Variants in REPIN1 observed in about 807,000 individuals in gnomAD.
The protein encoded by REPIN1 is replication initiator 1, also known as DNA-binding protein REPIN1.
REPIN1 carries 4 observed loss-of-function variants against 5.7 expected under a neutral mutation model. The ratio of observed to expected loss-of-function variants is 0.71; its 90% CI spans 0.35 to 1.62. The LOEUF (loss-of-function observed/expected upper bound fraction) is 1.62, where lower values mean the gene tolerates loss of function less well. REPIN1 is among the 40% of genes most tolerant of loss of function. REPIN1 has a pLI of 0.05. For synonymous variants in REPIN1, 410 were observed against 386.2 expected (o/e 1.06, Z -0.72); for missense variants, 854 against 901.0 (o/e 0.95, Z 0.67).
At chr7:150,370,256 T>C in intron 2 of REPIN1, 1 of 248,512 alleles carries the variant, frequency 4.0e-6, no homozygotes, top group Non-Finnish European at 7.9e-6. Context: ...TCCCTCCCCT[T>C]CTATTGCCCC....
Position 150,371,692 on chromosome 7 carries a change from G to C in REPIN1, c.622G>C (p.Glu208Gln), listed in dbSNP as rs551779231. Reference sequence around the variant, plus strand: ...GCGGCCCATCGCTTGTCCCAAATGCGAGAGACGCTTCTGGCGACGAAAGCA... The same window carrying C: ...GCGGCCCATCGCTTGTCCCAAATGCCAGAGACGCTTCTGGCGACGAAAGCA... ...AKRPIACPKCERRFWRRKQLR... is the reference protein window; with the variant it reads ...AKRPIACPKCQRRFWRRKQLR... Residue 208 changes from glutamate (E) to glutamine (Q), a missense_variant, in exon 3 of 3, where the codon GAG becomes CAG. Glu to Gln is a conservative substitution (Grantham distance 29). Transcript: ENST00000489432. 5 of 1,606,374 alleles carry C rather than the reference G, an allele frequency of 3.1e-6. No individual in the cohort carries two copies. The highest frequency in any genetic ancestry group is 4.2e-6 in the Non-Finnish European group (5 of 1,179,814).
rs1799622691 is a variant in REPIN1 at position 150,370,869 on chromosome 7, G to C, written c.158-359G>C. The C allele has an allele frequency of 4.3e-6, 3 of 700,934 alleles. No homozygotes were observed. The South Asian group carries it at 4.4e-5, about 10-fold the overall frequency. The allele number at this position is 700,934 out of a possible 1,614,324, so 43.4% of individuals were successfully genotyped here. ...GCAGCATAAGGCACTGTAGGGAGCA[G>C]TGGCCACATTTTCTGGTGAGTCCTG... On this transcript the variant is annotated intron_variant, in intron 2 of 2. Transcript: ENST00000489432.
At position 150,369,681 on chromosome 7, in the gene REPIN1, CCT is replaced by C. The variant is rs1799330654; in HGVS notation, c.-26_-25del. 6 of 1,613,516 alleles carry C rather than the reference CCT, an allele frequency of 3.7e-6. No individual in the cohort carries two copies. Among genetic ancestry groups the C allele is most frequent in the East Asian group, 2.2e-5 (1 of 44,884 alleles). On this transcript the variant is annotated 5_prime_UTR_variant, in exon 2 of 3. It removes the in-frame stop codon of an upstream open reading frame in the 5' UTR. Coordinates refer to ENST00000489432, the MANE Select transcript of REPIN1 (RefSeq NM_001099695.2). ...CTTCCCTCCCCACAGGTAAGGCTGGCCTCTCTGCAGTCAGAGGTCTGAGCTCT... is the reference window on the plus strand; with the variant it reads ...CTTCCCTCCCCACAGGTAAGGCTGGCCTCTGCAGTCAGAGGTCTGAGCTCT...
Position 150,371,473 on chromosome 7 carries a change from C to T in REPIN1, c.403C>T (p.Arg135Trp), listed in dbSNP as rs746603161. ...GWVALWLHTR[R>W]CQARLPLPCP... Reference sequence around the variant, plus strand: ...GGTGGCTCTGTGGCTTCACACCCGCCGGTGCCAGGCCCGGCTGCCCTTGCC... The same window carrying T: ...GGTGGCTCTGTGGCTTCACACCCGCTGGTGCCAGGCCCGGCTGCCCTTGCC... The change falls in exon 3 of 3, where the codon CGG becomes TGG. Residue 135 changes from arginine to tryptophan, a missense_variant. Transcript: ENST00000489432. 6.8e-6 allele frequency: 11 copies of T among 1,607,284 alleles called. No homozygotes were observed. Among genetic ancestry groups the T allele is most frequent in the Middle Eastern group, 1.6e-4 (1 of 6,078 alleles).
chr7:150,369,306 C>G (rs1161149010), intron 1 of REPIN1: 2 of 422,568 alleles, frequency 4.7e-6, no homozygotes, highest in Non-Finnish European at 8.8e-6. Context: ...GGAAATAGGC[C>G]TGGAATTCCT....
chr7:150,369,339 G>A (rs992852143), intron 1 of REPIN1: 1 of 389,740 alleles, frequency 2.6e-6, no homozygotes, highest in African/African-American at 2.0e-5. Flanking sequence ...CTGGGGGAAG[G>A]GGAGCCAGCA....
In REPIN1 at chr7:150,369,761, GCTA is replaced by G; in HGVS notation, c.52_54del (p.Tyr18del). The G allele has an allele frequency of 6.2e-7, 1 of 1,613,902 alleles. No individual in the cohort carries two copies. The highest frequency in any genetic ancestry group is 8.5e-7 in the Non-Finnish European group (1 of 1,179,812). ...CTGCAGTTTTCTCTAACACCTGGGG[GCTA>G]CCGGAGTGTGGGCCGAAGCAGGCGC... On this transcript the variant is annotated inframe_deletion, in exon 2 of 3. Coordinates refer to ENST00000489432, the MANE Select transcript of REPIN1 (RefSeq NM_001099695.2).
rs1343183017 is a variant in REPIN1 at position 150,369,747 on chromosome 7, T to G, written c.36T>G (p.Ser12=). ...GGGTGTCTTTATTACTGCAGTTTTCTCTAACACCTGGGGGCTACCGGAGTG... is the reference window on the plus strand; with the variant it reads ...GGGTGTCTTTATTACTGCAGTTTTCGCTAACACCTGGGGGCTACCGGAGTG... ...GIGVSLLLQF[S]LTPGGYRSVG... The change falls in exon 2 of 3, where the codon TCT becomes TCG. Residue 12 remains serine, a synonymous_variant. Transcript: ENST00000489432. The G allele has an allele frequency of 7.4e-6, 12 of 1,613,930 alleles. No individual in the cohort carries two copies. The highest frequency in any genetic ancestry group is 1.6e-4 in the Middle Eastern group (1 of 6,062).
chr7:150,372,312 AGGGGCCCC>A lies in REPIN1; in HGVS notation c.1244_1251del (p.Gly415AlafsTer240). The A allele has an allele frequency of 7.5e-7, 1 of 1,333,792 alleles. No individual in the cohort carries two copies. Among genetic ancestry groups the A allele is most frequent in the African/African-American group, 2.7e-5 (1 of 36,618 alleles). The allele number at this position is 1,333,792 out of a possible 1,614,324, so 82.6% of individuals were successfully genotyped here. ...TGAAACCGGCCCAGGAGCCGCCGCC[AGGGGCCCC>A]GCCAGAGCACCCGCAGGACCCGATC... On this transcript the variant is annotated frameshift_variant, in exon 3 of 3. Transcript: ENST00000489432. LOFTEE classifies it low-confidence loss of function (END_TRUNC).
In REPIN1 at chr7:150,368,887, C is replaced by A. The variant is rs1470909288; in HGVS notation, c.-96C>A. On this transcript the variant is annotated 5_prime_UTR_variant, in exon 1 of 3. Coordinates refer to ENST00000489432, the MANE Select transcript of REPIN1 (RefSeq NM_001099695.2). ...GGGGAGCGAGAGTGGGCCGCGGAGG[C>A]CGGCCTTCGGGCTCCATGGACGGGC... The A allele has an allele frequency of 5.7e-6, 2 of 350,310 alleles. No homozygotes were observed. The highest frequency in any genetic ancestry group is 1.0e-5 in the Non-Finnish European group (2 of 196,272). The allele number at this position is 350,310 out of a possible 1,614,324, so 21.7% of individuals were successfully genotyped here. A position where few individuals can be genotyped will look rare whatever the true frequency, so the allele number is the denominator to read the frequency against.
rs1031511932 is a variant in REPIN1, at chr7:150,373,148, C to T, written c.*203C>T. On this transcript the variant is annotated 3_prime_UTR_variant, in exon 3 of 3. Transcript: ENST00000489432. ...TGGCCAGGGAACCCACTTCCAAGCG[C>T]AGGGACGCCGGCCTCCAGCTGGTGT... is the stretch of plus-strand genomic sequence containing the variant. 5 of 721,476 alleles carry T rather than the reference C, an allele frequency of 6.9e-6. No individual in the cohort carries two copies. The highest frequency in any genetic ancestry group is 3.8e-5 in the South Asian group (2 of 52,254). The allele number at this position is 721,476 out of a possible 1,614,324, so 44.7% of individuals were successfully genotyped here.
In REPIN1 at chr7:150,372,717, C is replaced by T; in HGVS notation, c.1647C>T (p.Cys549=). ...AGAAGCCCTACGTCTGCCCCGACTG[C>T]GGCAAAGCCTTCAGCCAGAAGTCCA... ...TGEKPYVCPD[C]GKAFSQKSNL... is the part of the protein sequence containing the mutation. Residue 549 remains cysteine (C), a synonymous_variant, in exon 3 of 3, where the codon TGC becomes TGT. Coordinates refer to ENST00000489432, the MANE Select transcript of REPIN1 (RefSeq NM_001099695.2). The T allele has an allele frequency of 1.2e-6, 2 of 1,612,604 alleles. No homozygotes were observed. The highest frequency in any genetic ancestry group is 1.7e-6 in the Non-Finnish European group (2 of 1,179,900).
At chr7:150,369,590 G>A in intron 1 of REPIN1, 81 bp from the exon 2 acceptor site, 1 of 1,270,906 alleles carries the variant, frequency 7.9e-7, no homozygotes, top group Non-Finnish European at 1.1e-6. Context: ...GGGGGGAGGG[G>A]TTGTGGCTGG....
chr7:150,371,251 C>T lies in REPIN1; in HGVS notation c.181C>T (p.Arg61Cys), dbSNP rs1291394414. ...LQAEEEPMLE[R>C]RCRGPLAMGL... is the part of the protein sequence containing the mutation. ...AGCAGAGGAAGAACCGATGCTGGAACGTCGTTGCAGGGGCCCCCTGGCCAT... is the reference window on the plus strand; with the variant it reads ...AGCAGAGGAAGAACCGATGCTGGAATGTCGTTGCAGGGGCCCCCTGGCCAT... The change falls in exon 3 of 3, where the codon CGT becomes TGT. Residue 61 changes from arginine to cysteine, a missense_variant. Coordinates refer to ENST00000489432, the MANE Select transcript of REPIN1 (RefSeq NM_001099695.2). 3 of 1,598,286 alleles carry T rather than the reference C, an allele frequency of 1.9e-6. No homozygotes were observed. The highest frequency in any genetic ancestry group is 2.2e-5 in the South Asian group (2 of 89,424).
At chr7:150,370,245 T>G in intron 2 of REPIN1, 1 of 251,006 alleles carries the variant, frequency 4.0e-6, no homozygotes, top group Admixed American at 5.0e-5. Flanking sequence ...CAGTCTCATC[T>G]TCCCTCCCCT....
At chr7:150,371,034 C>T (rs1455947393) in intron 2 of REPIN1, 194 bp from the exon 3 acceptor site, 1 of 694,878 alleles carries the variant, frequency 1.4e-6, no homozygotes, top group African/African-American at 1.8e-5. Flanking sequence ...AGACAAACAT[C>T]CTTGAAATGT....
chr7:150,370,146 G>C (rs1369880568), intron 2 of REPIN1: 1 of 389,966 alleles, frequency 2.6e-6, no homozygotes, highest in Non-Finnish European at 4.7e-6. Context: ...TCCTGTGCAG[G>C]AATCTGGGCT....
In REPIN1 at chr7:150,371,958, C is replaced by T; in HGVS notation, c.888C>T (p.Ala296=). Residue 296 remains alanine, a synonymous_variant, in exon 3 of 3, where the codon GCC becomes GCT. Coordinates refer to ENST00000489432, the MANE Select transcript of REPIN1 (RefSeq NM_001099695.2). ...CCGTCGACCGCCCCTTCCAGTGTGC[C>T]TGTTGTGGCAAGCGCTTCCGGCACA... ...GDAVDRPFQC[A]CCGKRFRHKP... 1 of 1,610,170 alleles carries T rather than the reference C, an allele frequency of 6.2e-7. No individual in the cohort carries two copies. Among genetic ancestry groups the T allele is most frequent in the South Asian group, 1.1e-5 (1 of 91,070 alleles).
Position 150,371,988 on chromosome 7 carries a change from C to G in REPIN1, c.918C>G (p.Pro306=). The change falls in exon 3 of 3, where the codon CCC becomes CCG. Residue 306 remains proline, a synonymous_variant. Coordinates refer to ENST00000489432, the MANE Select transcript of REPIN1 (RefSeq NM_001099695.2). ...GTGGCAAGCGCTTCCGGCACAAGCC[C>G]AACTTGATCGCTCACCGCCGCGTGC... ...ACCGKRFRHK[P]NLIAHRRVHT... is the part of the protein sequence containing the mutation. The G allele has an allele frequency of 6.2e-7, 1 of 1,611,292 alleles. No individual in the cohort carries two copies. Among genetic ancestry groups the G allele is most frequent in the Non-Finnish European group, 8.5e-7 (1 of 1,179,660 alleles).
Sources: allele counts gnomAD v4.1 joint callset, GRCh38; gene constraint gnomAD v4.1.1; transcripts MANE v1.5; gene names NCBI Gene and HGNC (gene_info 2026-07-23, HGNC 2026-07-21).